Variants in NKAIN2 observed in about 807,000 individuals in gnomAD.
The protein encoded by NKAIN2 is sodium/potassium-transporting ATPase subunit beta-1-interacting protein 2.
In NKAIN2, 14 loss-of-function variants were observed where a neutral mutation model predicts 32.6. The ratio of observed to expected loss-of-function variants is 0.43; its 90% confidence interval spans 0.28 to 0.67. The LOEUF is 0.67. Ranked by LOEUF, NKAIN2 falls within the 30% of genes least tolerant of loss-of-function variation. NKAIN2 has a pLI of 0.17. For synonymous variants in NKAIN2, 80 were observed against 87.2 expected, an observed-to-expected ratio of 0.92 and a Z score of 0.46; for missense variants, 198 against 258.3, an observed-to-expected ratio of 0.77 and a Z score of 1.60.
At chr6:124,133,725 G>A (rs1288898650) in intron 1 of NKAIN2, among the ~76,000 whole-genome samples, 2 of 152,088 alleles carry the variant, frequency 1.3e-5, no homozygotes, top group Non-Finnish European at 2.9e-5. Flanking sequence ...GCTACAAGTA[G>A]CATCAGGCAA....
intron 3 of NKAIN2, among the ~76,000 whole-genome samples, chr6:124,461,909 G>A (rs1260957909): frequency 6.7e-6 from 1 of 149,790 alleles, no homozygotes; most frequent in African/African-American, 2.5e-5. Flanking sequence ...GTTTGATTGA[G>A]GTTAATAAAA....
At chr6:124,219,146 C>G (rs1471785673) in intron 1 of NKAIN2, among the ~76,000 whole-genome samples, 1 of 152,074 alleles carries the variant, frequency 6.6e-6, no homozygotes, top group Non-Finnish European at 1.5e-5. Flanking sequence ...GGACACAGAG[C>G]CAAACCATAT....
At chr6:123,811,886 A>G (rs1182064862) in intron 1 of NKAIN2, among the ~76,000 whole-genome samples, 1 of 152,062 alleles carries the variant, frequency 6.6e-6, no homozygotes, top group African/African-American at 2.4e-5. Flanking sequence ...ACTAGATAAT[A>G]TGCTATGCGC....
intron 2 of NKAIN2, among the ~76,000 whole-genome samples, chr6:124,312,141 A>G (rs544199837): frequency 2.0e-5 from 3 of 152,282 alleles, no homozygotes; most frequent in East Asian, 1.9e-4. Context: ...ATGCTATGCT[A>G]TGGTCATCCT....
intron 3 of NKAIN2, among the ~76,000 whole-genome samples, chr6:124,529,084 A>G (rs1779423696): frequency 6.6e-6 from 1 of 152,216 alleles, no homozygotes; most frequent in Admixed American, 6.5e-5. Flanking sequence ...TATAAATATC[A>G]TGACAATAGT....
At chr6:124,560,054 GT>G (rs1411974711) in intron 3 of NKAIN2, among the ~76,000 whole-genome samples, 1 of 151,950 alleles carries the variant, frequency 6.6e-6, no homozygotes, top group Admixed American at 6.6e-5. Context: ...GTGGCATTAT[GT>G]TTTTGAGGTT....
intron 3 of NKAIN2, among the ~76,000 whole-genome samples, chr6:124,535,232 G>GCT (rs1387475888): frequency 1.3e-5 from 2 of 152,180 alleles, no homozygotes; most frequent in African/African-American, 4.8e-5. Context: ...GCTGCCTTAA[G>GCT]GCAAGGATCA....
intron 4 of NKAIN2, among the ~76,000 whole-genome samples, chr6:124,733,035 T>C (rs949270022): frequency 6.6e-5 from 10 of 151,960 alleles, no homozygotes; most frequent in Admixed American, 1.3e-4. Context: ...CTTAAGGGCA[T>C]ATGTTAACTG....
At chr6:124,242,876 G>C (rs1014850589) in intron 1 of NKAIN2, among the ~76,000 whole-genome samples, 1 of 151,320 alleles carries the variant, frequency 6.6e-6, no homozygotes, top group Non-Finnish European at 1.5e-5. Flanking sequence ...CATCTCACAC[G>C]GGGGCATGTC....
chr6:123,910,116 A>G (rs889677085), intron 1 of NKAIN2, among the ~76,000 whole-genome samples: 1 of 152,164 alleles, frequency 6.6e-6, no homozygotes, highest in African/African-American at 2.4e-5. Flanking sequence ...CATATCTTAT[A>G]TATTTGGTTA....
chr6:124,442,928 A>G (rs1775748134), intron 3 of NKAIN2, among the ~76,000 whole-genome samples: 1 of 152,134 alleles, frequency 6.6e-6, no homozygotes, highest in Non-Finnish European at 1.5e-5. Flanking sequence ...CTTATACCAC[A>G]GCCTAGTTCT....
intron 4 of NKAIN2, among the ~76,000 whole-genome samples, chr6:124,668,478 G>A (rs758756989): frequency 5.3e-5 from 8 of 151,752 alleles, no homozygotes; most frequent in African/African-American, 1.9e-4. Flanking sequence ...CTAGCAATTC[G>A]TCTTTACTTT....
chr6:124,420,343 AC>A (rs1348797963), intron 3 of NKAIN2, among the ~76,000 whole-genome samples: 2 of 152,148 alleles, frequency 1.3e-5, no homozygotes, highest in African/African-American at 4.8e-5. Context: ...ATAAGGTAAC[AC>A]ATTTACTTTT....
intron 3 of NKAIN2, among the ~76,000 whole-genome samples, chr6:124,455,214 G>T (rs1776272268): frequency 6.6e-6 from 1 of 152,032 alleles, no homozygotes; most frequent in South Asian, 2.1e-4. Flanking sequence ...TAATGAGTAT[G>T]CATGTCCTTA....
chr6:124,654,687 A>G (rs547593745), intron 3 of NKAIN2, among the ~76,000 whole-genome samples: 2 of 152,172 alleles, frequency 1.3e-5, no homozygotes, highest in Non-Finnish European at 2.9e-5. Context: ...AGGCCAATAC[A>G]ACTGGAGGCC....
At chr6:123,869,545 A>G (rs1250187347) in intron 1 of NKAIN2, among the ~76,000 whole-genome samples, 1 of 152,224 alleles carries the variant, frequency 6.6e-6, no homozygotes, top group Non-Finnish European at 1.5e-5. Flanking sequence ...TTCGCCTGTC[A>G]TTAAATGGCA....
At chr6:123,941,226 G>C (rs235679) in intron 1 of NKAIN2, among the ~76,000 whole-genome samples, 21,941 of 151,328 alleles carry the variant, frequency 0.14, 4,479 homozygotes, top group African/African-American at 0.46. Flanking sequence ...ATAACATTTC[G>C]TTCCGGGATT....
At chr6:124,728,883 C>T (rs1331284740) in intron 4 of NKAIN2, among the ~76,000 whole-genome samples, 2 of 141,148 alleles carry the variant, frequency 1.4e-5, no homozygotes, top group African/African-American at 5.7e-5. Context: ...GATATCACCA[C>T]CGATCCCACA....
At chr6:124,091,212 C>T (rs1373369630) in intron 1 of NKAIN2, among the ~76,000 whole-genome samples, 1 of 151,822 alleles carries the variant, frequency 6.6e-6, no homozygotes, top group Admixed American at 6.6e-5. Context: ...GTCCCATAAA[C>T]CAGTGAAGCT....
Sources: allele counts gnomAD v4.1 joint callset (sites outside exome capture counted in the v4.1 genomes callset), GRCh38; gene constraint gnomAD v4.1.1; transcripts MANE v1.5; gene names NCBI Gene and HGNC (gene_info 2026-07-23, HGNC 2026-07-21).